The following HNRNPUL1 variants were observed in gnomAD, a reference collection of about 807,000 sequenced individuals.
HNRNPUL1 encodes heterogeneous nuclear ribonucleoprotein U like 1.
In HNRNPUL1, 14 loss-of-function variants were observed where a neutral mutation model predicts 108.5. The ratio of observed to expected loss-of-function variants is 0.13; its 90% CI spans 0.09 to 0.20. HNRNPUL1 has a LOEUF of 0.20. HNRNPUL1 is among the 10% of genes least tolerant of loss of function. HNRNPUL1 has a pLI of 1.00. For synonymous variants in HNRNPUL1, 422 were observed against 445.2 expected (o/e 0.95, Z 0.66); for missense variants, 804 against 1,168.3 (o/e 0.69, Z 4.55).
At chr19:41,304,846 C>A (rs2037449881) in intron 13 of HNRNPUL1, among the ~76,000 whole-genome samples, 1 of 152,170 alleles carries the variant, frequency 6.6e-6, no homozygotes. Context: ...TCATGCCGGG[C>A]CTGGAATCAG....
chr19:41,265,347 C>T (rs1488464361), intron 1 of HNRNPUL1: 4 of 263,754 alleles, frequency 1.5e-5, no homozygotes, highest in Non-Finnish European at 2.6e-5. Flanking sequence ...TATTTGGGTA[C>T]GGGGGTGGGT....
chr19:41,290,381 A>G (rs1042522596), intron 7 of HNRNPUL1, among the ~76,000 whole-genome samples: 3 of 152,222 alleles, frequency 2.0e-5, no homozygotes, highest in Non-Finnish European at 4.4e-5. Context: ...AGCCAAAGCA[A>G]TGTTTCCAAA....
intron 5 of HNRNPUL1, among the ~76,000 whole-genome samples, chr19:41,278,056 T>C (rs1054794498): frequency 2.6e-5 from 4 of 151,620 alleles, no homozygotes; most frequent in African/African-American, 9.7e-5. Flanking sequence ...TGTTTGATTG[T>C]TTGTTTTGTT....
chr19:41,274,096 AG>A, intron 4 of HNRNPUL1, 41 bp downstream of exon 4: 1 of 1,531,482 alleles, frequency 6.5e-7, no homozygotes, highest in South Asian at 1.1e-5. Flanking sequence ...CCTTACAGTC[AG>A]TATGGGGAAA....
Position 41,306,913 on chromosome 19 carries a change from T to A in HNRNPUL1, c.*348T>A, listed in dbSNP as rs1339199330. 1 of 176,824 alleles carries A rather than the reference T, an allele frequency of 5.7e-6. No individual in the cohort carries two copies. Among genetic ancestry groups the A allele is most frequent in the Admixed American group, 6.3e-5 (1 of 15,948 alleles). 11.0% of individuals were successfully genotyped at this position (176,824 alleles called of 1,614,324 possible). ...TACAGTGACTGAGGGGAGAATCCCC[T>A]CCTGTTCACTCTCCCAACCCTGCTC... On this transcript the variant is annotated 3_prime_UTR_variant, in exon 15 of 15. Coordinates refer to ENST00000392006, the MANE Select transcript of HNRNPUL1 (RefSeq NM_007040.6).
intron 7 of HNRNPUL1, among the ~76,000 whole-genome samples, chr19:41,285,671 G>A (rs2036179011): frequency 6.6e-6 from 1 of 152,090 alleles, no homozygotes; most frequent in Non-Finnish European, 1.5e-5. Flanking sequence ...TCTGAAGTTA[G>A]GAAATACCTT....
At chr19:41,266,881 G>A (rs1053234068) in intron 1 of HNRNPUL1, among the ~76,000 whole-genome samples, 8 of 152,158 alleles carry the variant, frequency 5.3e-5, no homozygotes, top group Admixed American at 6.5e-5. Context: ...ACTTCCCATT[G>A]CAGAGACTTG....
intron 1 of HNRNPUL1, chr19:41,265,218 G>T (rs559527303): frequency 6.6e-7 from 1 of 1,518,708 alleles, no homozygotes; most frequent in Admixed American, 2.0e-5. Context: ...GTGTGGGCTG[G>T]GGGGTGGGGA....
chr19:41,283,127 A>G (rs1455866715), intron 7 of HNRNPUL1, among the ~76,000 whole-genome samples: 3 of 152,238 alleles, frequency 2.0e-5, no homozygotes. Flanking sequence ...ATAAGTAGGT[A>G]CTAGTCTGTT....
intron 7 of HNRNPUL1, 120 bp downstream of exon 7, chr19:41,281,395 T>C (rs2035891202): frequency 4.5e-6 from 3 of 660,216 alleles, no homozygotes; most frequent in Non-Finnish European, 8.2e-6. Context: ...TACTTCTTTG[T>C]CTCTGCTTGA....
At position 41,264,709 on chromosome 19, in the gene HNRNPUL1, G is replaced by T. The variant is rs774925137; in HGVS notation, c.206G>T (p.Gly69Val). 2 of 1,529,804 alleles carry T rather than the reference G, an allele frequency of 1.3e-6. No individual in the cohort carries two copies. The highest frequency in any genetic ancestry group is 1.8e-6 in the Non-Finnish European group (2 of 1,142,006). The allele number at this position is 1,529,804 out of a possible 1,614,324, so 94.8% of individuals were successfully genotyped here. A position where few individuals can be genotyped will look rare whatever the true frequency, so the allele number is the denominator to read the frequency against. Residue 69 changes from glycine to valine, a missense_variant, in exon 1 of 15, where the codon GGC (glycine) becomes GTC (valine). Coordinates refer to ENST00000392006, the MANE Select transcript of HNRNPUL1 (RefSeq NM_007040.6). ...AACGAGGAGGTCGAGACCGAGGGGGGCTCCGAGCTGGAGGGGACCGCGCAG... is the reference window on the plus strand; with the variant it reads ...AACGAGGAGGTCGAGACCGAGGGGGTCTCCGAGCTGGAGGGGACCGCGCAG... Reference protein sequence around the residue: ...HINEEVETEGGSELEGTAQPP... With the variant: ...HINEEVETEGVSELEGTAQPP...
Position 41,305,805 on chromosome 19 carries a change from A to AACCC in HNRNPUL1, c.2392_2393insACCC (p.Thr798AsnfsTer18). On this transcript the variant is annotated frameshift_variant, in exon 14 of 15. Transcript: ENST00000392006. LOFTEE classifies it high-confidence loss of function. ...CGGCGGTTACAACCCGGCCCCCTATACCCCACCGCCACCCCCCACTGCACA... is the reference window on the plus strand; with the variant it reads ...CGGCGGTTACAACCCGGCCCCCTATAACCCCCCCACCGCCACCCCCCACTGCACA... 6.2e-7 allele frequency: 1 copy of AACCC among 1,607,402 alleles called. No individual in the cohort carries two copies. Among genetic ancestry groups the AACCC allele is most frequent in the Non-Finnish European group, 8.5e-7 (1 of 1,176,256 alleles).
Position 41,305,800 on chromosome 19 carries a change from C to T in HNRNPUL1, c.2387C>T (p.Pro796Leu). The T allele has an allele frequency of 1.9e-6, 3 of 1,611,682 alleles. No individual in the cohort carries two copies. Among genetic ancestry groups the T allele is most frequent in the Non-Finnish European group, 2.5e-6 (3 of 1,178,200 alleles). ...AGCTACGGCGGTTACAACCCGGCCC[C>T]CTATACCCCACCGCCACCCCCCACT... ...YGSYGGYNPA[P>L]YTPPPPPTAQ... is the part of the protein sequence containing the mutation. The change falls in exon 14 of 15, where the codon CCC becomes CTC. Residue 796 changes from proline to leucine, a missense_variant. Coordinates refer to ENST00000392006, the MANE Select transcript of HNRNPUL1 (RefSeq NM_007040.6).
At chr19:41,291,999 A>AC (rs1172725256) in intron 7 of HNRNPUL1, 5 of 516,066 alleles carry the variant, frequency 9.7e-6, no homozygotes, top group African/African-American at 5.9e-5. Flanking sequence ...AAAAACAAAA[A>AC]AAAAAAACTC....
chr19:41,265,105 A>T (rs2034737843), intron 1 of HNRNPUL1: 1 of 1,414,318 alleles, frequency 7.1e-7, no homozygotes, highest in African/African-American at 1.5e-5. Flanking sequence ...AGCCGAAGAG[A>T]GTCGGAAGAA....
intron 7 of HNRNPUL1, among the ~76,000 whole-genome samples, chr19:41,287,331 A>G (rs1383246117): frequency 6.6e-6 from 1 of 152,192 alleles, no homozygotes; most frequent in Non-Finnish European, 1.5e-5. Context: ...AAGAGTAAAG[A>G]TATTAATGAC....
intron 1 of HNRNPUL1, chr19:41,265,062 C>A (rs2034733165): frequency 1.4e-6 from 2 of 1,410,196 alleles, no homozygotes; most frequent in East Asian, 5.5e-5. Context: ...GATTCCGTAC[C>A]GTAGGGATCG....
chr19:41,296,520 T>C (rs2036905106), intron 10 of HNRNPUL1, among the ~76,000 whole-genome samples: 1 of 152,228 alleles, frequency 6.6e-6, no homozygotes, highest in African/African-American at 2.4e-5. Context: ...CCTCGGGGCC[T>C]GAAGCCATAG....
intron 2 of HNRNPUL1, among the ~76,000 whole-genome samples, chr19:41,271,790 C>G (rs1243512118): frequency 6.6e-6 from 1 of 152,196 alleles, no homozygotes; most frequent in Non-Finnish European, 1.5e-5. Context: ...CATCCTCTCC[C>G]CCTCCCTTGC....
Sources: gnomAD v4.1 joint callset for allele counts (sites outside exome capture counted in the v4.1 genomes callset) on GRCh38, gnomAD v4.1.1 for gene constraint, MANE v1.5 for transcripts, NCBI Gene and HGNC (gene_info 2026-07-23, HGNC 2026-07-21) for gene names.